The following CCDC192 variants were observed in gnomAD, a reference collection of about 807,000 sequenced individuals.
CCDC192 encodes the protein coiled-coil domain-containing protein 192.
At chr5:127,937,914 GA>G (rs1285465942) in intron 6 of CCDC192, among the ~76,000 whole-genome samples, 3 of 152,158 alleles carry the variant, frequency 2.0e-5, no homozygotes, top group Non-Finnish European at 4.4e-5. Context: ...AAAAGCAGAG[GA>G]AAAACTGAGG....
rs565175617 is a variant in CCDC192 at position 127,744,543 on chromosome 5, A to G, written c.115-9725A>G. Among the ~76,000 whole-genome samples, 5 of 152,334 alleles carry G rather than the reference A, an allele frequency of 3.3e-5. No individual in the cohort carries two copies. In the South Asian group the frequency reaches 6.2e-4, roughly 19 times the overall value. ...AATTCTCCAAAACTGACCTATGTCA[A>G]AATGCTCTTCCACAATGGTGAAATT... On this transcript the variant is annotated intron_variant, in intron 2 of 6. Transcript: ENST00000514853.
In CCDC192 at chr5:127,775,619, C is replaced by T. The variant is rs534005981; in HGVS notation, c.222+21244C>T. Among the ~76,000 whole-genome samples, 12 of 152,300 alleles carry T rather than the reference C, an allele frequency of 7.9e-5. No individual in the cohort carries two copies. In the East Asian group the frequency reaches 2.3e-3, roughly 29 times the overall value. ...TAATAATAAAGCCTACACTTTAAAA[C>T]ACTGGTGTATAGAAACATAAACTGA... On this transcript the variant is annotated intron_variant, in intron 3 of 6. Transcript: ENST00000514853.
chr5:127,756,026 G>C lies in CCDC192; in HGVS notation c.222+1651G>C, dbSNP rs573945897. Among the ~76,000 whole-genome samples, 4 of 152,044 alleles carry C rather than the reference G, an allele frequency of 2.6e-5. No individual in the cohort carries two copies. In the South Asian group the frequency reaches 8.3e-4, roughly 32 times the overall value. On this transcript the variant is annotated intron_variant, in intron 3 of 6. Transcript: ENST00000514853. ...GTGGCACCTGTAGTCCCAGGTACTCGGGAGGCTGAGGCAGGAGAATGGCGT... is the reference window on the plus strand; with the variant it reads ...GTGGCACCTGTAGTCCCAGGTACTCCGGAGGCTGAGGCAGGAGAATGGCGT...
intron 2 of CCDC192, among the ~76,000 whole-genome samples, chr5:127,714,588 T>C (rs1340327700): frequency 6.6e-6 from 1 of 152,158 alleles, no homozygotes; most frequent in Admixed American, 6.6e-5. Context: ...GAGATAGAGT[T>C]TCAACTCCTG....
At chr5:127,935,435 A>C (rs1330349100) in intron 6 of CCDC192, 2 of 152,208 alleles carry the variant, frequency 1.3e-5, no homozygotes. Flanking sequence ...TCAAAAGGGG[A>C]ATATCCCTTT....
chr5:127,708,924 C>T (rs1051894085), intron 2 of CCDC192, among the ~76,000 whole-genome samples: 1 of 151,964 alleles, frequency 6.6e-6, no homozygotes, highest in Admixed American at 6.6e-5. Context: ...TCTCGCACCA[C>T]TATAAAGAGA....
chr5:127,935,285 A>T (rs1440623087), intron 6 of CCDC192: 1 of 152,210 alleles, frequency 6.6e-6, no homozygotes, highest in Non-Finnish European at 1.5e-5. Flanking sequence ...GAACAAGAAG[A>T]TGACTATGGA....
At chr5:127,816,541 C>A (rs1012283058) in intron 5 of CCDC192, among the ~76,000 whole-genome samples, 2 of 152,176 alleles carry the variant, frequency 1.3e-5, no homozygotes, top group African/African-American at 4.8e-5. Context: ...GAAGCTGAAA[C>A]AATGGTCAAA....
chr5:127,906,996 A>G (rs2127172561), intron 6 of CCDC192, among the ~76,000 whole-genome samples: 1 of 152,260 alleles, frequency 6.6e-6, no homozygotes, highest in South Asian at 2.1e-4. Flanking sequence ...TTTGCTAACA[A>G]TTGATATTTT....
At chr5:127,902,804 G>T (rs536531624) in intron 6 of CCDC192, among the ~76,000 whole-genome samples, 1 of 152,176 alleles carries the variant, frequency 6.6e-6, no homozygotes. Context: ...GATAGAGCTT[G>T]TGAAGTACCC....
At position 127,737,608 on chromosome 5, in the gene CCDC192, G is replaced by T. The variant is rs1056809928; in HGVS notation, c.115-16660G>T. On this transcript the variant is annotated intron_variant, in intron 2 of 6. Transcript: ENST00000514853. The stretch of plus-strand genomic sequence containing the variant: ...CTCAGGACTTGCTTTATGAATCTGG[G>T]TGCTCCTGTATTGGGTGCATATATA... Among the ~76,000 whole-genome samples the T allele has an allele frequency of 1.5e-3, 226 of 151,896 alleles. 1 individual carries two copies. The highest frequency in any genetic ancestry group is 5.3e-3 in the African/African-American group (218 of 41,290).
chr5:127,707,378 CT>C (rs1230712576), intron 1 of CCDC192, among the ~76,000 whole-genome samples: 1 of 149,226 alleles, frequency 6.7e-6, no homozygotes, highest in Non-Finnish European at 1.5e-5. Flanking sequence ...TCTGCTGATT[CT>C]TAGGAGGTTA....
At chr5:127,826,394 A>C (rs1239049812) in intron 5 of CCDC192, among the ~76,000 whole-genome samples, 2 of 152,060 alleles carry the variant, frequency 1.3e-5, no homozygotes, top group East Asian at 3.9e-4. Context: ...AAAGAACTTA[A>C]AACAGAGCTA....
chr5:127,828,912 A>G (rs1749659843), intron 5 of CCDC192, among the ~76,000 whole-genome samples: 2 of 152,206 alleles, frequency 1.3e-5, no homozygotes, highest in Admixed American at 6.5e-5. Context: ...AGTCAGATTT[A>G]TATTATAGAA....
chr5:127,717,058 G>A (rs1451925446), intron 2 of CCDC192, among the ~76,000 whole-genome samples: 2 of 152,082 alleles, frequency 1.3e-5, no homozygotes, highest in Non-Finnish European at 2.9e-5. Flanking sequence ...TGTTATCACT[G>A]AAAGCAAGAC....
chr5:127,754,414 A>C (rs1754443019), intron 3 of CCDC192, 39 bp downstream of exon 3: 1 of 397,122 alleles, frequency 2.5e-6, no homozygotes, highest in African/African-American at 2.1e-5. Context: ...AATGTTCCTC[A>C]GTGTGCAGCA....
chr5:127,885,611 C>T (rs938130332), intron 6 of CCDC192, among the ~76,000 whole-genome samples: 1 of 152,150 alleles, frequency 6.6e-6, no homozygotes, highest in Non-Finnish European at 1.5e-5. Context: ...AGATTAGCTA[C>T]ATTGGTCATA....
At chr5:127,719,583 C>CA (rs1751889108) in intron 2 of CCDC192, among the ~76,000 whole-genome samples, 1 of 122,408 alleles carries the variant, frequency 8.2e-6, no homozygotes, top group African/African-American at 3.4e-5. Context: ...ATATATATAC[C>CA]AAGCAGTGGG....
intron 6 of CCDC192, among the ~76,000 whole-genome samples, chr5:127,903,518 C>T (rs1580811958): frequency 6.6e-6 from 1 of 152,160 alleles, no homozygotes; most frequent in Non-Finnish European, 1.5e-5. Flanking sequence ...GCTGGGATTA[C>T]AGGGGTGGGC....
Sources: allele counts gnomAD v4.1 joint callset (sites outside exome capture counted in the v4.1 genomes callset), GRCh38; gene constraint gnomAD v4.1.1; transcripts MANE v1.5; gene names NCBI Gene and HGNC (gene_info 2026-07-23, HGNC 2026-07-21).